The following BMPR1A variants were observed in gnomAD, a reference collection of about 807,000 sequenced individuals.
BMPR1A encodes bone morphogenetic protein receptor type 1A.
BMPR1A carries 7 observed loss-of-function variants against 66.0 expected under a neutral mutation model. The ratio of observed to expected loss-of-function variants is 0.11; its 90% CI spans 0.06 to 0.20. The LOEUF is 0.20. Among genes scored for constraint, BMPR1A ranks in the 10% least tolerant of loss-of-function variants. The pLI is 1.00. For missense variants in BMPR1A, 408 were observed against 669.1 expected (o/e 0.61, Z 4.31); for synonymous variants, 200 against 229.7 (o/e 0.87, Z 1.17).
At chr10:86,828,759 A>G (rs12255586) in intron 1 of BMPR1A, among the ~76,000 whole-genome samples, 2,360 of 150,538 alleles carry the variant, frequency 0.016, 62 homozygotes, top group African/African-American at 0.055. Flanking sequence ...CAAATGGTCT[A>G]TTGATAATTT....
intron 3 of BMPR1A, among the ~76,000 whole-genome samples, chr10:86,886,828 C>CTT (rs10572910): frequency 1.3e-5 from 1 of 76,692 alleles, no homozygotes; most frequent in Non-Finnish European, 2.7e-5. Context: ...TATTTTGTCA[C>CTT]TTTTTTTTTT....
chr10:86,929,165 T>TA (rs1843785161), downstream of BMPR1A: 1 of 152,192 alleles, frequency 6.6e-6, no homozygotes, highest in African/African-American at 2.4e-5. Flanking sequence ...TTTATTTTCT[T>TA]ATATTACATT....
intron 1 of BMPR1A, among the ~76,000 whole-genome samples, chr10:86,790,460 C>A (rs565587146): frequency 1.9e-3 from 286 of 151,492 alleles, no homozygotes; most frequent in Non-Finnish European, 3.4e-3. Context: ...GATATATATC[C>A]AAAAGCATTA....
At chr10:86,775,689 G>A (rs1033070522) in intron 1 of BMPR1A, among the ~76,000 whole-genome samples, 1 of 151,938 alleles carries the variant, frequency 6.6e-6, no homozygotes, top group Non-Finnish European at 1.5e-5. Context: ...GTAATAGCTT[G>A]CAGTAAACAA....
At chr10:86,794,956 G>A (rs187944632) in intron 1 of BMPR1A, among the ~76,000 whole-genome samples, 6 of 151,662 alleles carry the variant, frequency 4.0e-5, no homozygotes, top group Admixed American at 1.3e-4. Flanking sequence ...GGTTCAAGCA[G>A]TTCTCCTGCC....
At chr10:86,874,925 A>G (rs1427293350) in intron 2 of BMPR1A, among the ~76,000 whole-genome samples, 1 of 147,458 alleles carries the variant, frequency 6.8e-6, no homozygotes, top group African/African-American at 2.5e-5. Context: ...GGGTTTCACC[A>G]TGCTGGCCAG....
At chr10:86,888,606 C>T (rs7903241) in intron 3 of BMPR1A, among the ~76,000 whole-genome samples, 1,590 of 152,118 alleles carry the variant, frequency 0.01, 26 homozygotes, top group African/African-American at 0.036. Flanking sequence ...GCGGGAGGAT[C>T]GCTTGAGCCC....
intron 2 of BMPR1A, among the ~76,000 whole-genome samples, chr10:86,871,878 C>T (rs1214634429): frequency 6.6e-6 from 1 of 152,018 alleles, no homozygotes; most frequent in Non-Finnish European, 1.5e-5. Flanking sequence ...TGCTCTCAAA[C>T]TTTATTCCTT....
At chr10:86,835,002 A>T (rs1411543731) in intron 1 of BMPR1A, among the ~76,000 whole-genome samples, 1 of 152,092 alleles carries the variant, frequency 6.6e-6, no homozygotes, top group Non-Finnish European at 1.5e-5. Flanking sequence ...CCGAAGGAAA[A>T]AATGTGCAAT....
At chr10:86,865,182 C>T (rs566204920) in intron 2 of BMPR1A, among the ~76,000 whole-genome samples, 1 of 151,984 alleles carries the variant, frequency 6.6e-6, no homozygotes, top group South Asian at 2.1e-4. Context: ...TGATGACATT[C>T]CACCACAAAA....
chr10:86,891,509 T>G (rs1843149722), intron 4 of BMPR1A, among the ~76,000 whole-genome samples: 1 of 152,170 alleles, frequency 6.6e-6, no homozygotes, highest in Non-Finnish European at 1.5e-5. Context: ...CCATACCTGT[T>G]AAAGTCTATA....
In BMPR1A at chr10:86,921,559, G is replaced by A. The variant is rs1843665394; in HGVS notation, c.1206G>A (p.Val402=). 1 of 1,613,938 alleles carries A rather than the reference G, an allele frequency of 6.2e-7. No individual in the cohort carries two copies. Among genetic ancestry groups the A allele is most frequent in the African/African-American group, 1.3e-5 (1 of 74,882 alleles). Residue 402 remains valine, a synonymous_variant, in exon 11 of 13, where the codon GTG becomes GTA. Transcript: ENST00000372037. Reference sequence around the variant, plus strand: ...TTGATGTGCCCTTGAATACCAGGGTGGGCACCAAACGCTACATGGCTCCCG... The same window carrying A: ...TTGATGTGCCCTTGAATACCAGGGTAGGCACCAAACGCTACATGGCTCCCG... The part of the protein sequence containing the change: ...NEVDVPLNTR[V]GTKRYMAPEV...
intron 2 of BMPR1A, chr10:86,855,803 C>T: frequency 8.8e-7 from 1 of 1,133,062 alleles, no homozygotes; most frequent in Admixed American, 2.4e-5. Context: ...TGGTCTGTTT[C>T]CTGGTAGAAT....
At chr10:86,813,362 T>G (rs1841994921) in intron 1 of BMPR1A, among the ~76,000 whole-genome samples, 1 of 152,106 alleles carries the variant, frequency 6.6e-6, no homozygotes, top group African/African-American at 2.4e-5. Flanking sequence ...AAGCCTTGGG[T>G]TTTTTTCAGT....
chr10:86,850,243 C>T (rs931310838), intron 2 of BMPR1A, among the ~76,000 whole-genome samples: 4 of 151,830 alleles, frequency 2.6e-5, no homozygotes, highest in Non-Finnish European at 5.9e-5. Context: ...ATGGCTTGAA[C>T]CTGGGAAGCG....
At chr10:86,903,692 A>G (rs975904904) in intron 7 of BMPR1A, among the ~76,000 whole-genome samples, 2 of 136,466 alleles carry the variant, frequency 1.5e-5, no homozygotes, top group Middle Eastern at 4.8e-3. Flanking sequence ...GCTCAATGCA[A>G]GCTCCACCTC....
chr10:86,830,948 AATTGCCTATTCTGAAT>A (rs1842259897), intron 1 of BMPR1A, among the ~76,000 whole-genome samples: 2 of 152,060 alleles, frequency 1.3e-5, no homozygotes, highest in African/African-American at 4.8e-5. Context: ...GTCTCTGTGA[AATTGCCTATTCTGAAT>A]ATTTCCTATA....
chr10:86,877,239 G>T (rs1350100623), intron 3 of BMPR1A, among the ~76,000 whole-genome samples: 2 of 143,940 alleles, frequency 1.4e-5, no homozygotes, highest in African/African-American at 2.7e-5. Flanking sequence ...ACAGAGTCTC[G>T]CTCTGTCACC....
At chr10:86,928,859 G>A (rs1348206444), downstream of BMPR1A, 1 of 151,232 alleles carries the variant, frequency 6.6e-6, no homozygotes, top group Non-Finnish European at 1.5e-5. Flanking sequence ...TCACCATGTT[G>A]GCCCAGGCTG....
Sources: gnomAD v4.1 joint callset for allele counts (sites outside exome capture counted in the v4.1 genomes callset) on GRCh38, gnomAD v4.1.1 for gene constraint, MANE v1.5 for transcripts, NCBI Gene and HGNC (gene_info 2026-07-23, HGNC 2026-07-21) for gene names.